SH2D4A: variants seen among roughly 807,000 people sequenced by gnomAD.
SH2D4A encodes SH2 domain-containing protein 4A.
A neutral mutation model predicts 64.7 loss-of-function variants in SH2D4A; 70 were observed. The observed-to-expected ratio is 1.08, with a 90% CI of 0.89 to 1.32. The LOEUF (loss-of-function observed/expected upper bound fraction) is 1.32. SH2D4A is among the 40% of genes most tolerant of loss of function. The probability of loss-of-function intolerance (pLI) is 0.00; values close to 1 mark genes in which losing one functional copy is unlikely to be tolerated. For missense variants in SH2D4A, 706 were observed against 540.1 expected (o/e 1.31, Z -3.04); for synonymous variants, 268 against 200.7 (o/e 1.34, Z -2.83).
intron 8 of SH2D4A, among the ~76,000 whole-genome samples, chr8:19,380,774 A>T (rs1411432975): frequency 6.6e-6 from 1 of 152,150 alleles, no homozygotes; most frequent in African/African-American, 2.4e-5. Context: ...TGATTACTGT[A>T]GCATTGTAGT....
intron 2 of SH2D4A, among the ~76,000 whole-genome samples, chr8:19,321,634 A>G (rs2052192993): frequency 6.6e-6 from 1 of 152,226 alleles, no homozygotes; most frequent in African/African-American, 2.4e-5. Context: ...AACAAATAAC[A>G]TGGCCAAACT....
intron 4 of SH2D4A, among the ~76,000 whole-genome samples, chr8:19,345,027 G>A (rs1423039667): frequency 1.3e-5 from 2 of 152,220 alleles, no homozygotes; most frequent in Non-Finnish European, 1.5e-5. Context: ...ATGAGAGCAA[G>A]TGGTCAGAAG....
chr8:19,361,016 G>C, intron 5 of SH2D4A, 187 bp from the exon 6 acceptor site: 1 of 407,478 alleles, frequency 2.5e-6, no homozygotes, highest in Non-Finnish European at 4.5e-6. Context: ...AGCTAGCAAT[G>C]GTCAGTCTTA....
Position 19,340,815 on chromosome 8 carries a change from C to G in SH2D4A, c.513+5958C>G, listed in dbSNP as rs146633202. On this transcript the variant is annotated intron_variant, in intron 4 of 9. Coordinates refer to ENST00000265807, the MANE Select transcript of SH2D4A (RefSeq NM_022071.4). ...GTTTCACTGTGTTGCCCAGGCTGGT[C>G]TTGAACTCCTGGGCTCGAGTGATCC... 2.8e-3 allele frequency among the ~76,000 whole-genome samples: 431 copies of G among 152,120 alleles called. 3 individuals carry two copies. The highest frequency in any genetic ancestry group is 9.9e-3 in the African/African-American group (411 of 41,498).
chr8:19,379,326 ATGT>A (rs2053251107), intron 8 of SH2D4A, among the ~76,000 whole-genome samples: 1 of 152,148 alleles, frequency 6.6e-6, no homozygotes, highest in Non-Finnish European at 1.5e-5. Flanking sequence ...AGATTTACTC[ATGT>A]TGTTGTGCAT....
At chr8:19,358,848 G>C (rs1033966795) in intron 5 of SH2D4A, among the ~76,000 whole-genome samples, 3 of 152,124 alleles carry the variant, frequency 2.0e-5, no homozygotes, top group African/African-American at 4.8e-5. Context: ...TTGTTTTCTG[G>C]TACTGTTAGC....
intron 4 of SH2D4A, among the ~76,000 whole-genome samples, chr8:19,339,799 C>G (rs2117226104): frequency 6.6e-6 from 1 of 152,256 alleles, no homozygotes; most frequent in Non-Finnish European, 1.5e-5. Flanking sequence ...CTGTGCCCAG[C>G]CCCTATACAT....
chr8:19,340,335 G>A (rs1696979968), intron 4 of SH2D4A, among the ~76,000 whole-genome samples: 1 of 152,162 alleles, frequency 6.6e-6, no homozygotes, highest in Admixed American at 6.5e-5. Flanking sequence ...TCGAGCAAAG[G>A]GTTGAGCTGA....
chr8:19,319,054 T>C (rs1042575583), intron 1 of SH2D4A, among the ~76,000 whole-genome samples: 1 of 152,120 alleles, frequency 6.6e-6, no homozygotes, highest in African/African-American at 2.4e-5. Flanking sequence ...ATGTGTTTGC[T>C]TAGTTGGGAG....
chr8:19,337,934 G>C (rs2052470525), intron 4 of SH2D4A, among the ~76,000 whole-genome samples: 1 of 152,204 alleles, frequency 6.6e-6, no homozygotes, highest in Non-Finnish European at 1.5e-5. Flanking sequence ...AGAAGGCCGA[G>C]TGAAGAAAGA....
chr8:19,315,372 G>A (rs2052070399), intron 1 of SH2D4A, among the ~76,000 whole-genome samples: 1 of 152,216 alleles, frequency 6.6e-6, no homozygotes, highest in East Asian at 1.9e-4. Context: ...CTGAGCTCCA[G>A]CAATCCACCC....
At chr8:19,368,441 T>C (rs1382702895) in intron 7 of SH2D4A, among the ~76,000 whole-genome samples, 1 of 152,136 alleles carries the variant, frequency 6.6e-6, no homozygotes, top group Non-Finnish European at 1.5e-5. Context: ...TCAGATCTTT[T>C]TGGGTAGTAC....
At chr8:19,389,317 G>A (rs1303325524) in intron 8 of SH2D4A, among the ~76,000 whole-genome samples, 18 of 152,172 alleles carry the variant, frequency 1.2e-4, no homozygotes, top group Admixed American at 1.2e-3. Flanking sequence ...TGGGCAAAAT[G>A]TTTATTCTAG....
At chr8:19,360,327 T>G (rs2052861650) in intron 5 of SH2D4A, among the ~76,000 whole-genome samples, 1 of 149,276 alleles carries the variant, frequency 6.7e-6, no homozygotes, top group East Asian at 2.0e-4. Context: ...AAAAAATACA[T>G]ATTCTGGCAG....
chr8:19,378,667 C>G (rs1377030590), intron 8 of SH2D4A, among the ~76,000 whole-genome samples: 2 of 152,058 alleles, frequency 1.3e-5, no homozygotes, highest in African/African-American at 4.8e-5. Flanking sequence ...AACCCCTGAC[C>G]TCAGGTGATC....
At chr8:19,354,193 G>A (rs958322879) in intron 4 of SH2D4A, among the ~76,000 whole-genome samples, 21 of 151,916 alleles carry the variant, frequency 1.4e-4, no homozygotes, top group Admixed American at 9.8e-4. Context: ...TAGAGATGGG[G>A]TTTCACCATG....
chr8:19,376,114 C>T (rs1372822559), intron 8 of SH2D4A, among the ~76,000 whole-genome samples: 1 of 152,102 alleles, frequency 6.6e-6, no homozygotes, highest in Non-Finnish European at 1.5e-5. Flanking sequence ...CACGTGATTA[C>T]AGAGGCTTGG....
Position 19,378,747 on chromosome 8 carries a change from C to T in SH2D4A, c.1048+5087C>T, listed in dbSNP as rs922018274. On this transcript the variant is annotated intron_variant, in intron 8 of 9. Transcript: ENST00000265807. ...TGTACCATTCAGTGTTAAATATATC[C>T]ATAATACTGTACAACTGGTCATGTG... is the stretch of plus-strand genomic sequence containing the variant. 5.9e-5 allele frequency among the ~76,000 whole-genome samples: 9 copies of T among 151,888 alleles called. No homozygotes were observed. The East Asian group carries it at 1.7e-3, about 29-fold the overall frequency.
intron 8 of SH2D4A, among the ~76,000 whole-genome samples, chr8:19,392,792 A>T (rs1306146565): frequency 6.6e-6 from 1 of 151,076 alleles, no homozygotes; most frequent in Non-Finnish European, 1.5e-5. Flanking sequence ...GGCTGGAGGG[A>T]GTGCAGTGGC....
Sources: gnomAD v4.1 joint callset for allele counts (sites outside exome capture counted in the v4.1 genomes callset) on GRCh38, gnomAD v4.1.1 for gene constraint, MANE v1.5 for transcripts, NCBI Gene and HGNC (gene_info 2026-07-23, HGNC 2026-07-21) for gene names.